Variants in PBX1 observed in about 807,000 individuals in gnomAD.
PBX1 encodes the protein PBX homeobox 1.
A neutral mutation model predicts 53.4 loss-of-function variants in PBX1; 6 were observed. The ratio of observed to expected loss-of-function variants is 0.11; its 90% confidence interval spans 0.06 to 0.22. The LOEUF is 0.22. PBX1 is among the 10% of genes least tolerant of loss of function. The pLI is 1.00. For synonymous variants in PBX1, 204 were observed against 212.3 expected, an observed-to-expected ratio of 0.96 and a Z score of 0.34; for missense variants, 251 against 551.4, an observed-to-expected ratio of 0.46 and a Z score of 5.46.
At chr1:164,806,352 G>T (rs1351123583) in intron 4 of PBX1, among the ~76,000 whole-genome samples, 2 of 152,102 alleles carry the variant, frequency 1.3e-5, no homozygotes, top group African/African-American at 4.8e-5. Context: ...AAAGAATTCT[G>T]TGGGCTTTTG....
At chr1:164,562,491 A>T (rs1340899328) in intron 1 of PBX1, among the ~76,000 whole-genome samples, 1 of 144,776 alleles carries the variant, frequency 6.9e-6, no homozygotes, top group Non-Finnish European at 1.5e-5. Flanking sequence ...ACACACACAC[A>T]CACCAGGTAA....
At chr1:164,704,415 T>G (rs1663307558) in intron 2 of PBX1, among the ~76,000 whole-genome samples, 1 of 152,220 alleles carries the variant, frequency 6.6e-6, no homozygotes, top group African/African-American at 2.4e-5. Context: ...GAACAAGACT[T>G]TTACAATTGA....
At chr1:164,605,189 A>G (rs1234513476) in intron 2 of PBX1, 3 of 152,258 alleles carry the variant, frequency 2.0e-5, no homozygotes, top group Non-Finnish European at 4.4e-5. Context: ...TTTCTTCTAA[A>G]GAGAAGACAC....
chr1:164,801,681 G>C (rs946692294), intron 4 of PBX1, among the ~76,000 whole-genome samples: 1 of 152,130 alleles, frequency 6.6e-6, no homozygotes, highest in Admixed American at 6.5e-5. Flanking sequence ...GGCACCAGAC[G>C]GACAATCACT....
In PBX1 at chr1:164,859,544, C is replaced by A. The variant is rs190964732; in HGVS notation, n.257+28061C>A. On this transcript the variant is annotated intron_variant and non_coding_transcript_variant, in intron 2 of 2. Transcript: ENST00000558796. ...CACTGCTTTATTCAGATTGTCTAGACTCCCTCTTTGGGACTTTCTATGCAT... is the reference window on the plus strand; with the variant it reads ...CACTGCTTTATTCAGATTGTCTAGAATCCCTCTTTGGGACTTTCTATGCAT... 3.5e-4 allele frequency among the ~76,000 whole-genome samples: 53 copies of A among 152,326 alleles called. 1 individual carries two copies. Among genetic ancestry groups the A allele is most frequent in the African/African-American group, 1.2e-3 (51 of 41,580 alleles).
intron 2 of PBX1, among the ~76,000 whole-genome samples, chr1:164,675,620 A>G (rs544783888): frequency 1.3e-5 from 2 of 152,196 alleles, no homozygotes; most frequent in African/African-American, 4.8e-5. Flanking sequence ...CCTGCCCACC[A>G]TTATGAGGGA....
chr1:164,860,183 A>G (rs967428835), intron 2 of PBX1, among the ~76,000 whole-genome samples: 10 of 152,150 alleles, frequency 6.6e-5, no homozygotes, highest in Non-Finnish European at 1.5e-4. Flanking sequence ...AACCTTCTCA[A>G]GTCTGGATTA....
intron 3 of PBX1, among the ~76,000 whole-genome samples, chr1:164,794,154 C>T (rs1041319257): frequency 5.9e-5 from 9 of 152,034 alleles, no homozygotes; most frequent in African/African-American, 1.7e-4. Context: ...GGATTATAGG[C>T]GTGAGCCACC....
At chr1:164,714,780 A>T (rs1316688456) in intron 2 of PBX1, among the ~76,000 whole-genome samples, 1 of 152,182 alleles carries the variant, frequency 6.6e-6, no homozygotes, top group East Asian at 1.9e-4. Context: ...CACTCTGAAG[A>T]CTACCCACTC....
chr1:164,566,611 G>A (rs1328656349), intron 2 of PBX1, among the ~76,000 whole-genome samples: 4 of 151,988 alleles, frequency 2.6e-5, no homozygotes, highest in African/African-American at 7.3e-5. Context: ...TGGGGTTGGT[G>A]GGATAGAAGA....
At chr1:164,595,592 G>A (rs531583868) in intron 2 of PBX1, among the ~76,000 whole-genome samples, 2 of 151,952 alleles carry the variant, frequency 1.3e-5, no homozygotes, top group South Asian at 4.2e-4. Flanking sequence ...GCCTAGCTCA[G>A]CTTTGCTTTT....
chr1:164,788,646 A>AT (rs951379739), intron 2 of PBX1, among the ~76,000 whole-genome samples: 2 of 151,556 alleles, frequency 1.3e-5, no homozygotes, highest in Non-Finnish European at 2.9e-5. Flanking sequence ...CCTTAAAAAA[A>AT]TTTTTTTTGG....
rs555877746 is a variant in PBX1, at chr1:164,639,871, C to T, written c.265+76560C>T. 2.6e-5 allele frequency among the ~76,000 whole-genome samples: 4 copies of T among 152,112 alleles called. No individual in the cohort carries two copies. In the East Asian group the frequency reaches 7.8e-4, roughly 30 times the overall value. Reference sequence around the variant, plus strand: ...TAGAGATGAGGTCTTACTATGTTGCCTAGGCTAGTCTCAAATTCCTGGGCT... The same window carrying T: ...TAGAGATGAGGTCTTACTATGTTGCTTAGGCTAGTCTCAAATTCCTGGGCT... On this transcript the variant is annotated intron_variant, in intron 2 of 8. Coordinates refer to ENST00000420696, the MANE Select transcript of PBX1 (RefSeq NM_002585.4).
At chr1:164,817,796 C>G (rs1234533212) in intron 6 of PBX1, 1 of 152,164 alleles carries the variant, frequency 6.6e-6, no homozygotes, top group Non-Finnish European at 1.5e-5. Context: ...GGGGTTTCTC[C>G]CATTTCTAAG....
chr1:164,857,377 T>C (rs553330933), intron 2 of PBX1, among the ~76,000 whole-genome samples: 2 of 150,914 alleles, frequency 1.3e-5, no homozygotes, highest in East Asian at 3.9e-4. Flanking sequence ...CCCCATGGAG[T>C]TGGGGTGTGC....
At chr1:164,773,758 C>T (rs1056432455) in intron 2 of PBX1, among the ~76,000 whole-genome samples, 1 of 152,156 alleles carries the variant, frequency 6.6e-6, no homozygotes, top group Non-Finnish European at 1.5e-5. Context: ...GGAGTCTCTG[C>T]TCTCTCCAAG....
At chr1:164,668,872 A>G (rs1660963947) in intron 2 of PBX1, among the ~76,000 whole-genome samples, 1 of 152,242 alleles carries the variant, frequency 6.6e-6, no homozygotes, top group South Asian at 2.1e-4. Flanking sequence ...GGAGTAATAT[A>G]TTTTAATTAA....
At chr1:164,625,457 C>T (rs918747867) in intron 2 of PBX1, among the ~76,000 whole-genome samples, 8 of 151,984 alleles carry the variant, frequency 5.3e-5, no homozygotes, top group South Asian at 4.2e-4. Flanking sequence ...TTTTATTGTA[C>T]GCAGAAAGAC....
intron 2 of PBX1, among the ~76,000 whole-genome samples, chr1:164,865,729 ATACT>A: frequency 6.6e-6 from 1 of 152,284 alleles, no homozygotes; most frequent in Non-Finnish European, 1.5e-5. Flanking sequence ...ATACCACCTC[ATACT>A]TAATTTTTTT....
Sources: allele counts gnomAD v4.1 joint callset (sites outside exome capture counted in the v4.1 genomes callset), GRCh38; gene constraint gnomAD v4.1.1; transcripts MANE v1.5; gene names NCBI Gene and HGNC (gene_info 2026-07-23, HGNC 2026-07-21).